Variants in CEP112 observed in about 807,000 individuals in gnomAD.
The protein encoded by CEP112 is centrosomal protein 112, also known as centrosomal protein of 112 kDa.
Under a neutral mutation model 153.0 loss-of-function variants are expected in CEP112, and 127 were observed. The observed-to-expected ratio is 0.83, with a 90% CI of 0.72 to 0.96. The LOEUF is 0.96. CEP112 is among the 40% of genes least tolerant of loss of function. The pLI is 0.00. For synonymous variants in CEP112, 358 were observed against 374.4 expected (o/e 0.96, Z 0.51); for missense variants, 1,089 against 1,101.2 (o/e 0.99, Z 0.16).
At chr17:66,023,494 A>C (rs1183796226) in intron 16 of CEP112, among the ~76,000 whole-genome samples, 1 of 152,168 alleles carries the variant, frequency 6.6e-6, no homozygotes, top group Non-Finnish European at 1.5e-5. Flanking sequence ...AAAGAAATAC[A>C]AAGTATTTCC....
chr17:66,074,817 C>G (rs2067426547), intron 8 of CEP112, among the ~76,000 whole-genome samples: 1 of 135,576 alleles, frequency 7.4e-6, no homozygotes, highest in South Asian at 2.4e-4. Context: ...GAGCCAAGAT[C>G]GTGCCACTGC....
At chr17:65,779,383 T>A (rs1357260928) in intron 21 of CEP112, among the ~76,000 whole-genome samples, 1 of 152,222 alleles carries the variant, frequency 6.6e-6, no homozygotes, top group Non-Finnish European at 1.5e-5. Context: ...AACATTTGTG[T>A]ACTATCTACT....
At chr17:65,775,134 G>C (rs2053603617) in intron 21 of CEP112, among the ~76,000 whole-genome samples, 1 of 152,012 alleles carries the variant, frequency 6.6e-6, no homozygotes, top group Non-Finnish European at 1.5e-5. Context: ...CCATCTTTTG[G>C]TCAACATAGG....
chr17:65,998,014 G>C (rs1434566055), intron 17 of CEP112, among the ~76,000 whole-genome samples: 4 of 152,044 alleles, frequency 2.6e-5, no homozygotes, highest in African/African-American at 4.8e-5. Context: ...TGAAGATCTT[G>C]TCAGAAAAAA....
intron 21 of CEP112, chr17:65,826,041 T>G: frequency 7.5e-6 from 9 of 1,208,026 alleles, no homozygotes; most frequent in Non-Finnish European, 1.1e-5. Context: ...TTCATCTCCT[T>G]GAGATGAATT....
chr17:65,932,442 G>T (rs74007965), intron 18 of CEP112, among the ~76,000 whole-genome samples: 9,827 of 152,182 alleles, frequency 0.065, 459 homozygotes, highest in African/African-American at 0.12. Context: ...TCTATAAAAT[G>T]ACTGACAATT....
intron 21 of CEP112, among the ~76,000 whole-genome samples, chr17:65,799,174 G>A (rs2055111266): frequency 6.6e-6 from 1 of 152,030 alleles, no homozygotes; most frequent in Non-Finnish European, 1.5e-5. Flanking sequence ...ATATTTTCTA[G>A]GCAAAAAATT....
At chr17:65,649,891 C>T (rs1046140801) in intron 24 of CEP112, among the ~76,000 whole-genome samples, 1 of 152,186 alleles carries the variant, frequency 6.6e-6, no homozygotes, top group Admixed American at 6.5e-5. Flanking sequence ...ACATTCAATA[C>T]ATTCATCTTG....
At chr17:65,658,670 G>T (rs1232764251) in intron 24 of CEP112, among the ~76,000 whole-genome samples, 1 of 152,080 alleles carries the variant, frequency 6.6e-6, no homozygotes, top group Non-Finnish European at 1.5e-5. Flanking sequence ...AGAATCACAG[G>T]CCAGAAGAAG....
At chr17:65,670,115 C>T (rs9900582) in intron 24 of CEP112, among the ~76,000 whole-genome samples, 1,788 of 151,636 alleles carry the variant, frequency 0.012, 34 homozygotes, top group African/African-American at 0.041. Context: ...TTAAAAATAA[C>T]CTGTTTGTCC....
intron 21 of CEP112, among the ~76,000 whole-genome samples, chr17:65,775,715 C>G (rs987851236): frequency 1.3e-5 from 2 of 152,054 alleles, no homozygotes; most frequent in Admixed American, 1.3e-4. Flanking sequence ...GTTGACTAGG[C>G]TTGTTTCTAA....
intron 24 of CEP112, among the ~76,000 whole-genome samples, chr17:65,647,283 C>T (rs1377921340): frequency 6.7e-6 from 1 of 149,168 alleles, no homozygotes; most frequent in Non-Finnish European, 1.5e-5. Flanking sequence ...AAGCGATTCT[C>T]CTGCCTCAGC....
chr17:66,130,116 C>A (rs939578943), intron 5 of CEP112, among the ~76,000 whole-genome samples: 43 of 151,982 alleles, frequency 2.8e-4, no homozygotes, highest in African/African-American at 1.0e-3. Context: ...GCTGTATTGC[C>A]CTCAGAGGAA....
chr17:65,886,952 T>C (rs1055476336), intron 20 of CEP112, among the ~76,000 whole-genome samples: 1 of 152,196 alleles, frequency 6.6e-6, no homozygotes, highest in Admixed American at 6.5e-5. Flanking sequence ...GACACTCTTC[T>C]AAGATTTGGG....
At chr17:66,081,920 G>A (rs532229616) in intron 8 of CEP112, among the ~76,000 whole-genome samples, 24 of 151,796 alleles carry the variant, frequency 1.6e-4, no homozygotes, top group African/African-American at 5.8e-4. Context: ...ATCTCAGGGG[G>A]AAAAAAAGGC....
intron 18 of CEP112, among the ~76,000 whole-genome samples, chr17:65,937,346 G>T (rs201003129): frequency 3.0e-4 from 27 of 88,628 alleles, no homozygotes; most frequent in Admixed American, 2.4e-3. Context: ...GCCTCTTCCC[G>T]GCCGCCATCC....
chr17:65,638,670 C>A (rs147984113), intron 25 of CEP112, among the ~76,000 whole-genome samples: 60 of 152,240 alleles, frequency 3.9e-4, no homozygotes, highest in African/African-American at 1.2e-3. Flanking sequence ...GCTCTGTAAT[C>A]GGAATTCCAA....
At chr17:65,709,063 C>T (rs1209712857) in intron 23 of CEP112, among the ~76,000 whole-genome samples, 2 of 152,050 alleles carry the variant, frequency 1.3e-5, no homozygotes, top group African/African-American at 4.8e-5. Context: ...TTTTTCTTGG[C>T]CTGCTGGATG....
chr17:66,108,298 A>G lies in CEP112; in HGVS notation c.643-11666T>C, dbSNP rs147397367. 3.1e-3 allele frequency among the ~76,000 whole-genome samples: 478 copies of G among 152,134 alleles called. 1 individual carries two copies. Among genetic ancestry groups the G allele is most frequent in the African/African-American group, 0.011 (458 of 41,530 alleles). Reference sequence around the variant, plus strand: ...AGGCAACCAAAGCAAAAATAAACAAATGGGATCTTGTCATGTCAAAAAGCT... The same window carrying G: ...AGGCAACCAAAGCAAAAATAAACAAGTGGGATCTTGTCATGTCAAAAAGCT... On this transcript the variant is annotated intron_variant, in intron 6 of 26. Coordinates refer to ENST00000535342, the MANE Select transcript of CEP112 (RefSeq NM_001199165.4).
Sources: allele counts gnomAD v4.1 joint callset (sites outside exome capture counted in the v4.1 genomes callset), GRCh38; gene constraint gnomAD v4.1.1; transcripts MANE v1.5; gene names NCBI Gene and HGNC (gene_info 2026-07-23, HGNC 2026-07-21).